CEP85L: variants seen among roughly 807,000 people sequenced by gnomAD.
CEP85L encodes the protein centrosomal protein of 85 kDa-like.
A neutral mutation model predicts 100.3 loss-of-function variants in CEP85L; 60 were observed. That is an observed-to-expected ratio of 0.60 (90% CI 0.49 to 0.74). The LOEUF is 0.74. Among genes scored for constraint, CEP85L ranks in the 30% least tolerant of loss-of-function variants. The pLI is 0.00. For missense variants in CEP85L, 973 were observed against 936.2 expected, an observed-to-expected ratio of 1.04 and a Z score of -0.51; for synonymous variants, 319 against 322.7, an observed-to-expected ratio of 0.99 and a Z score of 0.12.
intron 2 of CEP85L, among the ~76,000 whole-genome samples, chr6:118,573,135 A>AC (rs1780010001): frequency 6.6e-6 from 1 of 152,196 alleles, no homozygotes; most frequent in South Asian, 2.1e-4. Context: ...GCAGAGCAGG[A>AC]CTAAAGCTCA....
intron 3 of CEP85L, among the ~76,000 whole-genome samples, chr6:118,547,828 A>G (rs1431204611): frequency 6.6e-6 from 1 of 152,160 alleles, no homozygotes; most frequent in Non-Finnish European, 1.5e-5. Flanking sequence ...AAACAGGTAT[A>G]AAATTTTATT....
chr6:118,558,660 CAGAGAGAG>C (rs369698272), intron 3 of CEP85L, among the ~76,000 whole-genome samples: 16 of 122,212 alleles, frequency 1.3e-4, no homozygotes, highest in African/African-American at 2.6e-4. Flanking sequence ...CACACACACA[CAGAGAGAG>C]AGAGAGAGAG....
rs1460542210 is a variant in CEP85L, at chr6:118,708,839, TCC to T, written c.-28+1195_-28+1196del. On this transcript the variant is annotated intron_variant, in intron 1 of 13. Transcript: ENST00000368488. ...AGACTGGTCAAATAGGGGTTCTAAATCCTGTTAACCTCACTTTAACCCTGTTA... is the reference window on the plus strand; with the variant it reads ...AGACTGGTCAAATAGGGGTTCTAAATTGTTAACCTCACTTTAACCCTGTTA... 1.8e-3 allele frequency among the ~76,000 whole-genome samples: 279 copies of T among 152,296 alleles called. 2 individuals are homozygous for T. Among genetic ancestry groups the T allele is most frequent in the African/African-American group, 6.4e-3 (268 of 41,564 alleles).
intron 2 of CEP85L, among the ~76,000 whole-genome samples, chr6:118,572,924 C>A (rs1345840526): frequency 6.6e-6 from 1 of 151,680 alleles, no homozygotes; most frequent in African/African-American, 2.4e-5. Flanking sequence ...TAGCCGGGCG[C>A]AGTGGTGCAC....
chr6:118,570,071 C>T (rs1029665103), intron 2 of CEP85L, among the ~76,000 whole-genome samples: 10 of 151,904 alleles, frequency 6.6e-5, no homozygotes, highest in East Asian at 3.9e-4. Flanking sequence ...TATGTAGATG[C>T]GTGCATATCT....
At position 118,462,275 on chromosome 6, in the gene CEP85L, G is replaced by A. The variant is rs1428667563; in HGVS notation, c.*3130C>T. On this transcript the variant is annotated 3_prime_UTR_variant, in exon 13 of 13. Transcript: ENST00000368491. The stretch of plus-strand genomic sequence containing the variant: ...CACACTTCTTTTAAAATGACCTCAG[G>A]AATATCTTACCTAGCCAGTATTTGT... 3 of 151,916 alleles carry A rather than the reference G, an allele frequency of 2.0e-5. No homozygotes were observed. The highest frequency in any genetic ancestry group is 4.8e-5 in the African/African-American group (2 of 41,402). The allele number at this position is 151,916 out of a possible 1,614,324, so 9.4% of individuals were successfully genotyped here. A position where few individuals can be genotyped will look rare whatever the true frequency, so the allele number is the denominator to read the frequency against.
At chr6:118,524,669 T>G (rs1776863163) in intron 3 of CEP85L, among the ~76,000 whole-genome samples, 1 of 152,222 alleles carries the variant, frequency 6.6e-6, no homozygotes, top group African/African-American at 2.4e-5. Context: ...ACATCATCAT[T>G]TAGTTACATT....
intron 1 of CEP85L, among the ~76,000 whole-genome samples, chr6:118,681,647 G>A (rs962397226): frequency 6.6e-6 from 1 of 151,774 alleles, no homozygotes; most frequent in East Asian, 1.9e-4. Flanking sequence ...GGTATATTTG[G>A]GGATAGAGTT....
At chr6:118,507,622 T>G (rs777695838) in intron 5 of CEP85L, among the ~76,000 whole-genome samples, 3 of 152,178 alleles carry the variant, frequency 2.0e-5, no homozygotes, top group Non-Finnish European at 4.4e-5. Flanking sequence ...TACCTTTCTC[T>G]CACATTACAT....
intron 6 of CEP85L, among the ~76,000 whole-genome samples, chr6:118,489,206 G>T (rs1774386633): frequency 6.7e-6 from 1 of 149,598 alleles, no homozygotes. Context: ...GGCAAAAGTT[G>T]CAGTGAGCCA....
At chr6:118,709,255 C>T (rs749318825) in intron 1 of CEP85L, among the ~76,000 whole-genome samples, 5 of 152,158 alleles carry the variant, frequency 3.3e-5, no homozygotes, top group Non-Finnish European at 7.3e-5. Context: ...ACATCAACAG[C>T]AAAACAACTG....
At chr6:118,697,760 A>G (rs1477143146) in intron 1 of CEP85L, among the ~76,000 whole-genome samples, 1 of 152,138 alleles carries the variant, frequency 6.6e-6, no homozygotes, top group African/African-American at 2.4e-5. Context: ...TCACATATAT[A>G]CTATTTCCAC....
At chr6:118,674,172 A>T (rs2115433033) in intron 1 of CEP85L, among the ~76,000 whole-genome samples, 1 of 152,354 alleles carries the variant, frequency 6.6e-6, no homozygotes, top group Admixed American at 6.5e-5. Context: ...ACTTAAATAA[A>T]TTGTACTTCA....
chr6:118,518,941 C>T (rs914983784), intron 4 of CEP85L, among the ~76,000 whole-genome samples: 6 of 152,164 alleles, frequency 3.9e-5, no homozygotes, highest in Non-Finnish European at 8.8e-5. Flanking sequence ...TCTTTGTTCT[C>T]ATTGGTTTCA....
chr6:118,510,036 C>T (rs373712713), intron 5 of CEP85L, among the ~76,000 whole-genome samples: 1 of 152,158 alleles, frequency 6.6e-6, no homozygotes, highest in East Asian at 1.9e-4. Context: ...ACAGTGAATA[C>T]AAATAAATTT....
At chr6:118,689,702 A>G (rs1484903339) in intron 1 of CEP85L, among the ~76,000 whole-genome samples, 1 of 152,210 alleles carries the variant, frequency 6.6e-6, no homozygotes, top group Non-Finnish European at 1.5e-5. Context: ...AGAAGAACCA[A>G]CCATTTTGTT....
chr6:118,624,077 C>T (rs1047400587), intron 2 of CEP85L, among the ~76,000 whole-genome samples: 1 of 152,160 alleles, frequency 6.6e-6, no homozygotes, highest in East Asian at 1.9e-4. Context: ...CCAGACCAGC[C>T]TTGATACACC....
At chr6:118,630,804 G>A (rs576289282) in intron 2 of CEP85L, among the ~76,000 whole-genome samples, 72 of 152,356 alleles carry the variant, frequency 4.7e-4, no homozygotes, top group East Asian at 7.7e-4. Flanking sequence ...AGTGGCTGCA[G>A]GTGAGTGAGG....
At chr6:118,686,408 A>G (rs1052391927) in intron 1 of CEP85L, among the ~76,000 whole-genome samples, 1 of 152,098 alleles carries the variant, frequency 6.6e-6, no homozygotes, top group African/African-American at 2.4e-5. Flanking sequence ...GGCAATCACT[A>G]ATCTGCTTTC....
Sources: allele counts gnomAD v4.1 joint callset (sites outside exome capture counted in the v4.1 genomes callset), GRCh38; gene constraint gnomAD v4.1.1; transcripts MANE v1.5; gene names NCBI Gene and HGNC (gene_info 2026-07-23, HGNC 2026-07-21).